The following UBE2L3 variants were observed in gnomAD, a reference collection of about 807,000 sequenced individuals.
The protein encoded by UBE2L3 is ubiquitin-conjugating enzyme E2 L3.
A neutral mutation model predicts 17.8 loss-of-function variants in UBE2L3; 1 was observed. The observed-to-expected ratio is 0.06, with a 90% CI of 0.02 to 0.27. The LOEUF (loss-of-function observed/expected upper bound fraction) is 0.27. Ranked by LOEUF, UBE2L3 falls within the 10% of genes least tolerant of loss-of-function variation. The pLI, the probability that UBE2L3 is intolerant of heterozygous loss-of-function variation, is 1.00. For synonymous variants in UBE2L3, 44 were observed against 68.5 expected (o/e 0.64, Z 1.76); for missense variants, 40 against 192.6 (o/e 0.21, Z 4.69).
intron 1 of UBE2L3, chr22:21,555,060 G>A (rs1421255709): frequency 1.3e-5 from 2 of 149,066 alleles, no homozygotes; most frequent in East Asian, 3.9e-4. Flanking sequence ...ACAGGCATGA[G>A]CCACCATGCC....
At chr22:21,594,498 G>C (rs1233815854) in intron 2 of UBE2L3, among the ~76,000 whole-genome samples, 1 of 152,068 alleles carries the variant, frequency 6.6e-6, no homozygotes, top group Non-Finnish European at 1.5e-5. Context: ...TCTTGATGCT[G>C]GTTATAAGGT....
At chr22:21,561,328 T>C (rs1316289063) in intron 1 of UBE2L3, among the ~76,000 whole-genome samples, 7 of 152,288 alleles carry the variant, frequency 4.6e-5, no homozygotes, top group Non-Finnish European at 1.0e-4. Flanking sequence ...GTAATCCCAG[T>C]ACTTTGGGAG....
chr22:21,570,837 A>G (rs1247448283), intron 1 of UBE2L3, among the ~76,000 whole-genome samples: 1 of 152,238 alleles, frequency 6.6e-6, no homozygotes, highest in Non-Finnish European at 1.5e-5. Flanking sequence ...TGCCTTAGGC[A>G]TAGCAATCTA....
At chr22:21,582,940 A>G (rs926687217) in intron 1 of UBE2L3, among the ~76,000 whole-genome samples, 1 of 152,140 alleles carries the variant, frequency 6.6e-6, no homozygotes, top group Non-Finnish European at 1.5e-5. Flanking sequence ...CAGGTCCTAG[A>G]TGGCGCCTAG....
At chr22:21,576,504 TAGTC>T (rs1159678752) in intron 1 of UBE2L3, among the ~76,000 whole-genome samples, 1 of 152,046 alleles carries the variant, frequency 6.6e-6, no homozygotes, top group African/African-American at 2.4e-5. Flanking sequence ...TTCACCATGT[TAGTC>T]AGGATGGTCT....
intron 2 of UBE2L3, among the ~76,000 whole-genome samples, chr22:21,594,612 TG>T (rs1222679165): frequency 6.6e-6 from 1 of 152,228 alleles, no homozygotes; most frequent in African/African-American, 2.4e-5. Flanking sequence ...TGCTTTGTAA[TG>T]ATTTAGTATG....
At chr22:21,586,875 CTTT>C (rs34463645) in intron 1 of UBE2L3, among the ~76,000 whole-genome samples, 86 of 118,896 alleles carry the variant, frequency 7.2e-4, no homozygotes, top group Admixed American at 2.1e-3. Flanking sequence ...TGTGCCCGGC[CTTT>C]TTTTTTTTTT....
chr22:21,583,428 T>C (rs369193401), intron 1 of UBE2L3, among the ~76,000 whole-genome samples: 2 of 152,216 alleles, frequency 1.3e-5, no homozygotes, highest in Admixed American at 1.3e-4. Context: ...TTAACAGATA[T>C]AAAATGACAC....
At chr22:21,586,457 A>G (rs375033390) in intron 1 of UBE2L3, among the ~76,000 whole-genome samples, 1 of 151,874 alleles carries the variant, frequency 6.6e-6, no homozygotes, top group East Asian at 1.9e-4. Context: ...TTTAGTAGAG[A>G]TGAGGTTTCA....
intron 2 of UBE2L3, among the ~76,000 whole-genome samples, chr22:21,609,551 C>A (rs993943215): frequency 3.3e-5 from 5 of 151,464 alleles, no homozygotes; most frequent in African/African-American, 9.7e-5. Context: ...TATAAAAATA[C>A]AAAAAAATTA....
At chr22:21,572,983 CCCCACTCCCACT>C (rs1392440705) in intron 1 of UBE2L3, among the ~76,000 whole-genome samples, 6 of 152,256 alleles carry the variant, frequency 3.9e-5, no homozygotes, top group Non-Finnish European at 8.8e-5. Context: ...TTCTCTCCAT[CCCCACTCCCACT>C]CCCAATGCCA....
chr22:21,578,897 C>T (rs1927470168), intron 1 of UBE2L3, among the ~76,000 whole-genome samples: 1 of 152,100 alleles, frequency 6.6e-6, no homozygotes, highest in South Asian at 2.1e-4. Context: ...CTTTGAGCCT[C>T]AGTGCCCTGA....
chr22:21,610,327 G>T (rs1391164019), intron 2 of UBE2L3, among the ~76,000 whole-genome samples: 1 of 152,172 alleles, frequency 6.6e-6, no homozygotes, highest in Admixed American at 6.6e-5. Flanking sequence ...GATACATTCA[G>T]ACATAGCAGC....
intron 1 of UBE2L3, among the ~76,000 whole-genome samples, chr22:21,591,899 G>A (rs1928286671): frequency 6.6e-6 from 1 of 152,170 alleles, no homozygotes; most frequent in South Asian, 2.1e-4. Flanking sequence ...GGCACTTCAT[G>A]TGTCAGAGTG....
At chr22:21,599,812 T>C (rs970137088) in intron 2 of UBE2L3, among the ~76,000 whole-genome samples, 3 of 152,188 alleles carry the variant, frequency 2.0e-5, no homozygotes, top group Admixed American at 2.0e-4. Flanking sequence ...TTTTCACTTC[T>C]ATTTTTGGTG....
intron 2 of UBE2L3, among the ~76,000 whole-genome samples, chr22:21,595,856 C>A (rs1928489943): frequency 6.6e-6 from 1 of 152,010 alleles, no homozygotes; most frequent in Non-Finnish European, 1.5e-5. Context: ...TTCCTCTCAG[C>A]CTTTTTTCAT....
intron 3 of UBE2L3, among the ~76,000 whole-genome samples, chr22:21,616,837 A>G (rs554091053): frequency 7.9e-5 from 12 of 152,182 alleles, no homozygotes; most frequent in South Asian, 2.1e-4. Flanking sequence ...TTCTTTGACA[A>G]TGAAGCTCCC....
intron 1 of UBE2L3, among the ~76,000 whole-genome samples, chr22:21,583,021 A>C (rs1927731822): frequency 6.6e-6 from 1 of 152,148 alleles, no homozygotes; most frequent in Non-Finnish European, 1.5e-5. Flanking sequence ...GCATAGGGGT[A>C]TTAAACAGCC....
chr22:21,583,833 C>T (rs966883569), intron 1 of UBE2L3, among the ~76,000 whole-genome samples: 3 of 152,162 alleles, frequency 2.0e-5, no homozygotes, highest in African/African-American at 7.2e-5. Flanking sequence ...CTTCTTTACT[C>T]ATATAGAAGG....
Sources: gnomAD v4.1 joint callset for allele counts (sites outside exome capture counted in the v4.1 genomes callset) on GRCh38, gnomAD v4.1.1 for gene constraint, MANE v1.5 for transcripts, NCBI Gene and HGNC (gene_info 2026-07-23, HGNC 2026-07-21) for gene names.